Variants in ANKRD62 observed in about 807,000 individuals in gnomAD.
The protein encoded by ANKRD62 is ankyrin repeat domain 62.
A neutral mutation model predicts 98.8 loss-of-function variants in ANKRD62; 61 were observed. The ratio of observed to expected loss-of-function variants is 0.62; its 90% CI spans 0.50 to 0.76. The LOEUF (loss-of-function observed/expected upper bound fraction) is 0.76, where lower values mean the gene tolerates loss of function less well. Among genes scored for constraint, ANKRD62 ranks in the 30% least tolerant of loss-of-function variants. The pLI is 0.00. For missense variants in ANKRD62, 933 were observed against 1,082.9 expected, an observed-to-expected ratio of 0.86 and a Z score of 1.94; for synonymous variants, 341 against 367.9, an observed-to-expected ratio of 0.93 and a Z score of 0.84.
chr18:12,115,900 A>G (rs1387678451), intron 10 of ANKRD62, among the ~76,000 whole-genome samples: 1 of 152,100 alleles, frequency 6.6e-6, no homozygotes, highest in Non-Finnish European at 1.5e-5. Flanking sequence ...CTGCAATCAT[A>G]ATTATATACA....
At position 12,126,222 on chromosome 18, in the gene ANKRD62, G is replaced by T; in HGVS notation, c.2401G>T (p.Glu801Ter). ...NDARKKADNQEKTIINIQVKC... is the reference protein window; with the variant it reads ...NDARKKADNQ ...TGCTCGCAAGAAAGCTGACAATCAG[G>T]AGAAAACAATAATTAATATCCAAGT... The change falls in exon 13 of 14, where the codon GAG becomes TAG. Residue 801 changes from glutamate to a stop codon, truncating the protein, a stop_gained. Coordinates refer to ENST00000587848, the MANE Select transcript of ANKRD62 (RefSeq NM_001277333.2). LOFTEE classifies it high-confidence loss of function. 1 of 1,536,022 alleles carries T rather than the reference G, an allele frequency of 6.5e-7. No individual in the cohort carries two copies. Among genetic ancestry groups the T allele is most frequent in the Non-Finnish European group, 8.7e-7 (1 of 1,146,834 alleles).
chr18:12,127,682 ATAT>A (rs2143935784), intron 13 of ANKRD62, 63 bp from the exon 14 acceptor site: 2 of 1,218,694 alleles, frequency 1.6e-6, no homozygotes, highest in Non-Finnish European at 1.1e-6. Context: ...TTAGAGTTAA[ATAT>A]TATTAACAAA....
chr18:12,096,750 T>C (rs1287623353), intron 4 of ANKRD62, among the ~76,000 whole-genome samples: 1 of 152,230 alleles, frequency 6.6e-6, no homozygotes, highest in East Asian at 1.9e-4. Flanking sequence ...TCATTTTGTG[T>C]TTTGGATGAC....
At chr18:12,136,667 T>G in the ANKRD62 span, among the ~76,000 whole-genome samples, 2 of 152,350 alleles carry the variant, frequency 1.3e-5, no homozygotes, top group South Asian at 4.1e-4. Context: ...TGATTCTTCG[T>G]ACCCATCAGC....
chr18:12,103,318 T>G, intron 7 of ANKRD62, 90 bp downstream of exon 7: 2 of 672,034 alleles, frequency 3.0e-6, no homozygotes, highest in Non-Finnish European at 2.2e-6. Flanking sequence ...CCTTTTAGAA[T>G]CAATTGAATG....
chr18:12,110,738 G>C (rs910658526), intron 8 of ANKRD62, among the ~76,000 whole-genome samples: 2 of 152,200 alleles, frequency 1.3e-5, no homozygotes, highest in East Asian at 1.9e-4. Context: ...TAATTTCTTA[G>C]ATCTCATTTT....
Position 12,120,298 on chromosome 18 carries a change from A to G in ANKRD62, c.1241-2005A>G, listed in dbSNP as rs138504559. ...TTATAGTTCTATCTACTTTGGCCTC[A>G]TGTACTTTGAATTTCTTATGTTATT... On this transcript the variant is annotated intron_variant, in intron 10 of 13. Transcript: ENST00000587848. Among the ~76,000 whole-genome samples, 965 of 152,260 alleles carry G rather than the reference A, an allele frequency of 6.3e-3. 6 individuals carry two copies. The highest frequency in any genetic ancestry group is 0.01 in the Non-Finnish European group (688 of 68,010).
At chr18:12,098,028 C>A (rs1909218960) in intron 5 of ANKRD62, among the ~76,000 whole-genome samples, 2 of 152,182 alleles carry the variant, frequency 1.3e-5, no homozygotes. Flanking sequence ...CCTTGTTTGT[C>A]TTCTCTCTAG....
chr18:12,107,493 C>A, intron 8 of ANKRD62, 26 bp downstream of exon 8: 1 of 1,435,994 alleles, frequency 7.0e-7, no homozygotes, highest in Non-Finnish European at 9.1e-7. Flanking sequence ...TAGTTAACAG[C>A]GGATCACTGT....
chr18:12,157,702 A>G, the ANKRD62 span, among the ~76,000 whole-genome samples: 298 of 152,222 alleles, frequency 2.0e-3, 2 homozygotes, highest in Middle Eastern at 6.8e-3. Context: ...TCCTTAAATG[A>G]CTGGGTGGTC....
the ANKRD62 span, among the ~76,000 whole-genome samples, chr18:12,139,398 A>T: frequency 2.0e-5 from 3 of 152,136 alleles, no homozygotes; most frequent in Non-Finnish European, 4.4e-5. Context: ...TAATCACAGC[A>T]CTTTGGGAGG....
the ANKRD62 span, among the ~76,000 whole-genome samples, chr18:12,154,615 T>G: frequency 9.1e-4 from 138 of 152,348 alleles, no homozygotes; most frequent in African/African-American, 3.1e-3. Context: ...ATCCCATTAC[T>G]GTGTACGTAC....
At chr18:12,113,286 C>T (rs1193095433) in intron 8 of ANKRD62, among the ~76,000 whole-genome samples, 1 of 152,146 alleles carries the variant, frequency 6.6e-6, no homozygotes, top group African/African-American at 2.4e-5. Flanking sequence ...AAATGCAAAT[C>T]ATAACCCCTA....
the ANKRD62 span, among the ~76,000 whole-genome samples, chr18:12,168,544 A>G: frequency 6.6e-6 from 1 of 152,132 alleles, no homozygotes; most frequent in Non-Finnish European, 1.5e-5. Context: ...GTAGCCTTGT[A>G]GTATAGTTTG....
chr18:12,141,108 G>A, the ANKRD62 span, among the ~76,000 whole-genome samples: 1 of 152,236 alleles, frequency 6.6e-6, no homozygotes, highest in East Asian at 1.9e-4. Context: ...TCAGACTGCT[G>A]TGCTAGCAAT....
chr18:12,108,681 A>G (rs1909468427), intron 8 of ANKRD62, among the ~76,000 whole-genome samples: 1 of 152,044 alleles, frequency 6.6e-6, no homozygotes, highest in Non-Finnish European at 1.5e-5. Flanking sequence ...TCCAAGTTCA[A>G]TGTCTCATCC....
chr18:12,141,175 G>A, the ANKRD62 span, among the ~76,000 whole-genome samples: 1 of 152,238 alleles, frequency 6.6e-6, no homozygotes, highest in Non-Finnish European at 1.5e-5. Context: ...ATAATCTCCT[G>A]GTGTGCCGTT....
intron 6 of ANKRD62, among the ~76,000 whole-genome samples, chr18:12,099,889 GA>G (rs1018343916): frequency 1.1e-4 from 16 of 151,978 alleles, no homozygotes; most frequent in African/African-American, 3.6e-4. Context: ...AGTATTATCT[GA>G]AAAAAACTCA....
At chr18:12,162,223 T>A in the ANKRD62 span, among the ~76,000 whole-genome samples, 2 of 152,110 alleles carry the variant, frequency 1.3e-5, no homozygotes, top group Non-Finnish European at 2.9e-5. Context: ...TTAACTGGGG[T>A]GAGATGATAT....
Sources: allele counts gnomAD v4.1 joint callset (sites outside exome capture counted in the v4.1 genomes callset), GRCh38; gene constraint gnomAD v4.1.1; transcripts MANE v1.5; gene names NCBI Gene and HGNC (gene_info 2026-07-23, HGNC 2026-07-21).